Variants in EML2 observed in about 807,000 individuals in gnomAD.
The protein encoded by EML2 is EMAP like 2.
In EML2, 59 loss-of-function variants were observed where a neutral mutation model predicts 84.7. The observed-to-expected ratio is 0.70, with a 90% CI of 0.56 to 0.86. The LOEUF (loss-of-function observed/expected upper bound fraction) is 0.86. Among genes scored for constraint, EML2 ranks in the 40% least tolerant of loss-of-function variants. The probability of loss-of-function intolerance (pLI) is 0.00; values close to 1 mark genes in which losing one functional copy is unlikely to be tolerated. For missense variants in EML2, 818 were observed against 855.6 expected, an observed-to-expected ratio of 0.96 and a Z score of 0.55; for synonymous variants, 352 against 348.9, an observed-to-expected ratio of 1.01 and a Z score of -0.10.
chr19:45,615,016 G>A, intron 16 of EML2: 1 of 272,594 alleles, frequency 3.7e-6, no homozygotes, highest in Non-Finnish European at 7.2e-6. Flanking sequence ...GCCTGGCCAA[G>A]ATGGTGAAAC....
rs149631334 is a variant in EML2, at chr19:45,638,664, T to G, written c.50-30A>C. ...CAGGACACCCCCAGAGGTCAGGCAC[T>G]GACACCAGCCCCATCCCTATTCCCT... is the stretch of plus-strand genomic sequence containing the variant. On this transcript the variant is annotated intron_variant, in intron 2 of 18. Coordinates refer to ENST00000245925, the MANE Select transcript of EML2 (RefSeq NM_012155.4). The G allele has an allele frequency of 1.9e-3, 3,140 of 1,611,190 alleles. 44 individuals are homozygous for G. In the African/African-American group the frequency reaches 0.036, roughly 18 times the overall value.
chr19:45,628,324 T>C (rs1300660416), intron 7 of EML2, among the ~76,000 whole-genome samples: 6 of 149,804 alleles, frequency 4.0e-5, no homozygotes, highest in Non-Finnish European at 1.5e-5. Context: ...GCCGAGATCA[T>C]GCCATTACAC....
At chr19:45,619,390 A>G (rs983338216) in intron 11 of EML2, 199 bp from the exon 12 acceptor site, 8 of 513,388 alleles carry the variant, frequency 1.6e-5, no homozygotes, top group Non-Finnish European at 2.6e-5. Context: ...ACTCAAGGCA[A>G]ATCCTGCCCC....
At chr19:45,639,281 G>C in intron 1 of EML2, 76 bp downstream of exon 1, 1 of 1,315,272 alleles carries the variant, frequency 7.6e-7, no homozygotes, top group East Asian at 2.9e-5. Context: ...TGGGTCCCAG[G>C]GGTTGGGTGA....
At chr19:45,633,453 T>G (rs1973318341) in intron 4 of EML2, among the ~76,000 whole-genome samples, 1 of 126,140 alleles carries the variant, frequency 7.9e-6, no homozygotes, top group Non-Finnish European at 1.8e-5. Context: ...GGAGTGCCTA[T>G]TCAGTTTTTT....
intron 15 of EML2, chr19:45,616,183 G>A: frequency 7.3e-6 from 4 of 550,702 alleles, no homozygotes; most frequent in East Asian, 6.0e-5. Flanking sequence ...GAGGGGCGGG[G>A]CTACACAGAG....
At chr19:45,642,566 C>T (rs1974652492), upstream of EML2, 1 of 1,352,690 alleles carries the variant, frequency 7.4e-7, no homozygotes, top group South Asian at 1.9e-5. Context: ...ACACTCCTCT[C>T]TGCCACAGCG....
intron 18 of EML2, among the ~76,000 whole-genome samples, chr19:45,612,630 T>C (rs1970612307): frequency 6.6e-6 from 1 of 151,924 alleles, no homozygotes; most frequent in Non-Finnish European, 1.5e-5. Context: ...GCCGAGATTG[T>C]GCCATGCCAC....
chr19:45,617,618 C>T lies in EML2; in HGVS notation c.1322+12G>A. ...CAGAGAAGGCCTCCCGAAATGCTCTCCTCAGCTTTACCTGCCAGTCACTGT... is the reference window on the plus strand; with the variant it reads ...CAGAGAAGGCCTCCCGAAATGCTCTTCTCAGCTTTACCTGCCAGTCACTGT... On this transcript the variant is annotated intron_variant, in intron 13 of 18. Coordinates refer to ENST00000245925, the MANE Select transcript of EML2 (RefSeq NM_012155.4). 6.2e-7 allele frequency: 1 copy of T among 1,612,664 alleles called. No individual in the cohort carries two copies. Among genetic ancestry groups the T allele is most frequent in the South Asian group, 1.1e-5 (1 of 90,914 alleles).
At chr19:45,643,542 T>C (rs1188181269), upstream of EML2, 8 of 1,533,712 alleles carry the variant, frequency 5.2e-6, no homozygotes, top group Non-Finnish European at 7.0e-6. Context: ...GAGACCGAAG[T>C]GGCCCCTCTC....
At chr19:45,619,267 T>C in intron 11 of EML2, 76 bp from the exon 12 acceptor site, 3 of 1,500,016 alleles carry the variant, frequency 2.0e-6, no homozygotes, top group Non-Finnish European at 2.7e-6. Context: ...GCCAGACAAA[T>C]GCTAGATGAG....
At chr19:45,638,937 C>G (rs1568490257) in intron 1 of EML2, 64 bp from the exon 2 acceptor site, 7 of 1,584,506 alleles carry the variant, frequency 4.4e-6, no homozygotes, top group Non-Finnish European at 6.1e-6. Flanking sequence ...GGGGAGAAAC[C>G]ATTCCTCCAC....
intron 4 of EML2, among the ~76,000 whole-genome samples, chr19:45,633,359 G>T (rs16979954): frequency 1.3e-5 from 2 of 151,944 alleles, no homozygotes; most frequent in African/African-American, 2.4e-5. Flanking sequence ...GCAGGACGCA[G>T]GTCTGTACCT....
intron 18 of EML2, among the ~76,000 whole-genome samples, chr19:45,610,929 G>T (rs1011789208): frequency 6.6e-6 from 1 of 152,196 alleles, no homozygotes; most frequent in Non-Finnish European, 1.5e-5. Context: ...TAGCATGCAC[G>T]TGGGGAAGGC....
At chr19:45,609,861 T>A in intron 18 of EML2, 73 bp from the exon 19 acceptor site, 1 of 1,549,274 alleles carries the variant, frequency 6.5e-7, no homozygotes, top group Non-Finnish European at 8.7e-7. Context: ...CCTCTTGTCT[T>A]GACCCGGTTC....
upstream of EML2, chr19:45,642,656 C>A: frequency 1.7e-6 from 1 of 599,212 alleles, no homozygotes; most frequent in Non-Finnish European, 2.3e-6. Flanking sequence ...CTCGCTCTGG[C>A]TTTAAGATGC....
At chr19:45,613,413 C>G in intron 18 of EML2, 128 bp downstream of exon 18, 1 of 1,155,364 alleles carries the variant, frequency 8.7e-7, no homozygotes, top group South Asian at 1.5e-5. Context: ...ATCAAGACTA[C>G]TGTCCTCCTT....
chr19:45,611,063 T>A (rs950551650), intron 18 of EML2, among the ~76,000 whole-genome samples: 1 of 151,990 alleles, frequency 6.6e-6, no homozygotes, highest in African/African-American at 2.4e-5. Context: ...GGCTATGAGA[T>A]CATATTTAGG....
chr19:45,637,470 ATTTTTT>A (rs66503218), intron 3 of EML2, among the ~76,000 whole-genome samples: 3 of 101,660 alleles, frequency 3.0e-5, no homozygotes, highest in Non-Finnish European at 5.6e-5. Context: ...ATTATTTTGG[ATTTTTT>A]TTTTTTTTTT....
Sources: gnomAD v4.1 joint callset for allele counts (sites outside exome capture counted in the v4.1 genomes callset) on GRCh38, gnomAD v4.1.1 for gene constraint, MANE v1.5 for transcripts, NCBI Gene and HGNC (gene_info 2026-07-23, HGNC 2026-07-21) for gene names.